The following AHI1 variants were observed in gnomAD, a reference collection of about 807,000 sequenced individuals.
AHI1 encodes jouberin.
Under a neutral mutation model 149.3 loss-of-function variants are expected in AHI1, and 123 were observed. That is an observed-to-expected ratio of 0.82 (90% CI 0.71 to 0.96). The LOEUF (loss-of-function observed/expected upper bound fraction) is 0.96. Ranked by LOEUF, AHI1 falls within the 40% of genes least tolerant of loss-of-function variation. The probability of loss-of-function intolerance (pLI) is 0.00; values close to 1 mark genes in which losing one functional copy is unlikely to be tolerated. For missense variants in AHI1, 1,439 were observed against 1,422.7 expected, an observed-to-expected ratio of 1.01 and a Z score of -0.18; for synonymous variants, 475 against 459.8, an observed-to-expected ratio of 1.03 and a Z score of -0.42.
chr6:135,427,369 C>G, intron 19 of AHI1, 62 bp from the exon 20 acceptor site: 4 of 1,401,500 alleles, frequency 2.9e-6, no homozygotes, highest in Non-Finnish European at 3.9e-6. Context: ...TAAATCTTCT[C>G]ACAAGATTAT....
At chr6:135,416,907 A>C (rs1782462482) in intron 20 of AHI1, among the ~76,000 whole-genome samples, 1 of 152,100 alleles carries the variant, frequency 6.6e-6, no homozygotes, top group East Asian at 1.9e-4. Context: ...TACTGTTTTT[A>C]AACAGAAGTG....
intron 24 of AHI1, among the ~76,000 whole-genome samples, chr6:135,349,829 T>TCATTCTAG (rs1582745569): frequency 1.3e-5 from 2 of 152,172 alleles, no homozygotes; most frequent in East Asian, 3.9e-4. Context: ...TCAACTTTTG[T>TCATTCTAG]CATTCTAGCA....
chr6:135,394,524 C>A lies in AHI1; in HGVS notation c.3109+252G>T, dbSNP rs1305678801. ...TTTAACATCATGCAGGTTTAAAACT[C>A]ACGTGTTTTGCTAGTTTTAAATTAT... On this transcript the variant is annotated intron_variant, in intron 23 of 28. Transcript: ENST00000265602. The A allele has an allele frequency of 1.1e-5, 5 of 437,670 alleles. No individual in the cohort carries two copies. In the Admixed American group the frequency reaches 1.8e-4, roughly 16 times the overall value. The allele number at this position is 437,670 out of a possible 1,614,324, so 27.1% of individuals were successfully genotyped here.
At chr6:135,444,945 C>A (rs374943531) in intron 13 of AHI1, among the ~76,000 whole-genome samples, 69 of 152,196 alleles carry the variant, frequency 4.5e-4, no homozygotes, top group African/African-American at 1.4e-3. Flanking sequence ...ATTTTGAGAA[C>A]TGCTGATCTG....
chr6:135,456,621 TTTTC>T (rs1437123617), intron 9 of AHI1, among the ~76,000 whole-genome samples: 14 of 152,180 alleles, frequency 9.2e-5, no homozygotes, highest in African/African-American at 3.1e-4. Context: ...AGTTGTCATA[TTTTC>T]TTTGTGTGCC....
chr6:135,335,035 T>C (rs1216788891), intron 24 of AHI1, among the ~76,000 whole-genome samples: 1 of 152,240 alleles, frequency 6.6e-6, no homozygotes, highest in Non-Finnish European at 1.5e-5. Flanking sequence ...TTTCTGCACA[T>C]ATCAAGTAGT....
rs1438567054 is a variant in AHI1 at position 135,492,408 on chromosome 6, T to A, written c.-54-117A>T. 6 of 1,323,774 alleles carry A rather than the reference T, an allele frequency of 4.5e-6. No individual in the cohort carries two copies. The Admixed American group carries it at 1.7e-4, about 37-fold the overall frequency. 82.0% of individuals were successfully genotyped at this position (1,323,774 alleles called of 1,614,324 possible). Reference sequence around the variant, plus strand: ...CACTACTTCATTAAGTTTATACCAATAAAGCTATGTTCCCTTAACCCAATC... The same window carrying A: ...CACTACTTCATTAAGTTTATACCAAAAAAGCTATGTTCCCTTAACCCAATC... On this transcript the variant is annotated intron_variant, in intron 3 of 28. Coordinates refer to ENST00000265602, the MANE Select transcript of AHI1 (RefSeq NM_001134831.2).
rs1286267671 is a variant in AHI1 at position 135,389,814 on chromosome 6, C to T, written c.3109+4962G>A. 4.6e-5 allele frequency among the ~76,000 whole-genome samples: 7 copies of T among 152,264 alleles called. No individual in the cohort carries two copies. The East Asian group carries it at 7.7e-4, about 17-fold the overall frequency. On this transcript the variant is annotated intron_variant, in intron 23 of 28. Coordinates refer to ENST00000265602, the MANE Select transcript of AHI1 (RefSeq NM_001134831.2). ...TAAACATGCAAAGATGATACAACTA[C>T]CACATTGCCAGTAGTAACACTTCCT... is the stretch of plus-strand genomic sequence containing the variant.
intron 23 of AHI1, among the ~76,000 whole-genome samples, chr6:135,378,008 C>T (rs991756809): frequency 3.3e-5 from 5 of 151,574 alleles, no homozygotes; most frequent in African/African-American, 9.7e-5. Flanking sequence ...AATTACTGTC[C>T]CAACCAGAGA....
chr6:135,330,562 T>G (rs544750431), intron 24 of AHI1, among the ~76,000 whole-genome samples: 2 of 152,376 alleles, frequency 1.3e-5, no homozygotes, highest in South Asian at 4.1e-4. Context: ...TTTGTGTGGC[T>G]TGTTTCACTG....
In AHI1 at chr6:135,427,335, T is replaced by A. The variant is rs371308935; in HGVS notation, c.2624-28A>T. 2.5e-6 allele frequency: 4 copies of A among 1,588,846 alleles called. No individual in the cohort carries two copies. In the South Asian group the frequency reaches 4.5e-5, roughly 18 times the overall value. On this transcript the variant is annotated intron_variant, in intron 19 of 28. Coordinates refer to ENST00000265602, the MANE Select transcript of AHI1 (RefSeq NM_001134831.2). The stretch of plus-strand genomic sequence containing the variant: ...AAATAAAAAGAGAGATTCAAAAATG[T>A]ATATCAGAGCATATCTGTATCGATA...
intron 20 of AHI1, among the ~76,000 whole-genome samples, chr6:135,413,705 A>G (rs1445973362): frequency 6.7e-6 from 1 of 149,574 alleles, no homozygotes; most frequent in Non-Finnish European, 1.5e-5. Context: ...CTATATGTCT[A>G]TATACAAGCA....
At chr6:135,297,699 T>C (rs1027382836) in intron 27 of AHI1, among the ~76,000 whole-genome samples, 2 of 151,388 alleles carry the variant, frequency 1.3e-5, no homozygotes, top group Non-Finnish European at 1.5e-5. Flanking sequence ...AGGATGAGGA[T>C]TAAAAAAAGG....
rs145388757 is a variant in AHI1 at position 135,391,819 on chromosome 6, G to T, written c.3109+2957C>A. Reference sequence around the variant, plus strand: ...GGGACTACTGCAATGGGATTTTGCAGTTGGGGAGAAAGATTGGCTGAACTC... The same window carrying T: ...GGGACTACTGCAATGGGATTTTGCATTTGGGGAGAAAGATTGGCTGAACTC... On this transcript the variant is annotated intron_variant, in intron 23 of 28. Transcript: ENST00000265602. Among the ~76,000 whole-genome samples, 1,383 of 152,310 alleles carry T rather than the reference G, an allele frequency of 9.1e-3. 18 individuals carry two copies. The highest frequency in any genetic ancestry group is 0.031 in the African/African-American group (1,288 of 41,556).
intron 23 of AHI1, among the ~76,000 whole-genome samples, chr6:135,364,412 G>A (rs1794558720): frequency 6.6e-6 from 1 of 150,596 alleles, no homozygotes; most frequent in Non-Finnish European, 1.5e-5. Context: ...TCCAGACTGG[G>A]CAGCCAGGCA....
intron 4 of AHI1, among the ~76,000 whole-genome samples, chr6:135,491,454 T>C (rs1295641629): frequency 6.6e-6 from 1 of 152,240 alleles, no homozygotes; most frequent in African/African-American, 2.4e-5. Flanking sequence ...TGGCTGGTGT[T>C]AACCTGTCTG....
chr6:135,471,673 T>C (rs2128106142), intron 5 of AHI1, among the ~76,000 whole-genome samples: 1 of 152,294 alleles, frequency 6.6e-6, no homozygotes, highest in South Asian at 2.1e-4. Context: ...TTCAGGTTTT[T>C]TTTTGCTTTG....
chr6:135,487,920 G>A (rs532095086), intron 5 of AHI1, among the ~76,000 whole-genome samples: 7 of 151,250 alleles, frequency 4.6e-5, no homozygotes, highest in Admixed American at 4.6e-4. Context: ...TTTTTCCAGG[G>A]AGGGAACACT....
chr6:135,323,430 C>T, intron 24 of AHI1, 106 bp from the exon 25 acceptor site: 1 of 1,260,702 alleles, frequency 7.9e-7, no homozygotes, highest in Non-Finnish European at 1.1e-6. Context: ...CAAAGCAGTA[C>T]TTTGGTAAGT....
Sources: gnomAD v4.1 joint callset for allele counts (sites outside exome capture counted in the v4.1 genomes callset) on GRCh38, gnomAD v4.1.1 for gene constraint, MANE v1.5 for transcripts, NCBI Gene and HGNC (gene_info 2026-07-23, HGNC 2026-07-21) for gene names.